Variants in NREP observed in about 807,000 individuals in gnomAD.
NREP encodes the protein neuronal regeneration-related protein.
In NREP, 5 loss-of-function variants were observed where a neutral mutation model predicts 8.6. The observed-to-expected ratio is 0.58, with a 90% confidence interval of 0.30 to 1.22. The LOEUF is 1.22. Ranked by LOEUF, NREP falls within the 50% of genes most tolerant of loss-of-function variation. The pLI is 0.07. For missense variants in NREP, 86 were observed against 82.5 expected (o/e 1.04, Z -0.17); for synonymous variants, 27 against 28.0 (o/e 0.96, Z 0.11).
chr5:111,908,761 G>A (rs1754836743), intron 2 of NREP, among the ~76,000 whole-genome samples: 1 of 151,984 alleles, frequency 6.6e-6, no homozygotes, highest in Non-Finnish European at 1.5e-5. Context: ...CTTTTAGGTA[G>A]AATGATTCAT....
At chr5:111,972,252 T>C (rs2112673613) in intron 2 of NREP, among the ~76,000 whole-genome samples, 1 of 152,252 alleles carries the variant, frequency 6.6e-6, no homozygotes, top group East Asian at 1.9e-4. Context: ...TGGATGAGAA[T>C]GTAGTGTAAA....
intron 2 of NREP, among the ~76,000 whole-genome samples, chr5:111,770,187 C>A (rs1751184394): frequency 6.6e-6 from 1 of 152,150 alleles, no homozygotes; most frequent in African/African-American, 2.4e-5. Flanking sequence ...ATTTTTATAA[C>A]CCCAATGTCT....
At chr5:111,897,720 T>C (rs1474295991) in intron 2 of NREP, among the ~76,000 whole-genome samples, 2 of 152,156 alleles carry the variant, frequency 1.3e-5, no homozygotes, top group Non-Finnish European at 2.9e-5. Context: ...CCTAACTTTG[T>C]TCTCTATTAT....
At chr5:111,934,702 T>G (rs1049671738) in intron 2 of NREP, among the ~76,000 whole-genome samples, 3 of 152,072 alleles carry the variant, frequency 2.0e-5, no homozygotes, top group Non-Finnish European at 4.4e-5. Flanking sequence ...AAGCAATGAG[T>G]TGCTCAATAC....
chr5:111,889,156 G>A (rs1384662995), intron 2 of NREP, among the ~76,000 whole-genome samples: 1 of 152,200 alleles, frequency 6.6e-6, no homozygotes, highest in Non-Finnish European at 1.5e-5. Context: ...TGGTTCTGCA[G>A]GCTGTACAGA....
At chr5:111,877,462 A>G (rs1753937282) in intron 2 of NREP, among the ~76,000 whole-genome samples, 1 of 152,238 alleles carries the variant, frequency 6.6e-6, no homozygotes, top group Non-Finnish European at 1.5e-5. Flanking sequence ...TTCAAAAAAT[A>G]GAGATTTGCT....
intron 2 of NREP, among the ~76,000 whole-genome samples, chr5:111,934,553 G>GAA (rs1170230783): frequency 6.6e-6 from 1 of 152,006 alleles, no homozygotes; most frequent in Non-Finnish European, 1.5e-5. Context: ...GACCAGAAAA[G>GAA]AAAAATAGAC....
chr5:111,859,992 G>A (rs6594551), intron 2 of NREP, among the ~76,000 whole-genome samples: 150,055 of 152,322 alleles, frequency 0.99, 73,950 homozygotes, highest in East Asian at 1. Flanking sequence ...GGGCAGGCAA[G>A]TACTCTGGAG....
chr5:111,914,428 C>G (rs1754994297), intron 2 of NREP, among the ~76,000 whole-genome samples: 1 of 152,048 alleles, frequency 6.6e-6, no homozygotes, highest in Admixed American at 6.6e-5. Flanking sequence ...TGAAGGTGTT[C>G]TTACCTTTCT....
chr5:111,786,779 T>C (rs1238854825), intron 2 of NREP, among the ~76,000 whole-genome samples: 2 of 152,206 alleles, frequency 1.3e-5, no homozygotes, highest in Non-Finnish European at 2.9e-5. Context: ...CTTGGGGAAG[T>C]TAAATGATCA....
intron 2 of NREP, among the ~76,000 whole-genome samples, chr5:111,915,518 A>T (rs945695192): frequency 2.0e-5 from 3 of 151,990 alleles, no homozygotes; most frequent in South Asian, 2.1e-4. Flanking sequence ...ACTCAAAAGC[A>T]CTTAGGTCCT....
chr5:111,875,501 A>G (rs930004988), intron 2 of NREP, among the ~76,000 whole-genome samples: 1 of 152,248 alleles, frequency 6.6e-6, no homozygotes, highest in African/African-American at 2.4e-5. Flanking sequence ...AACAATTTAT[A>G]TAATGGCTCT....
chr5:111,970,617 G>A (rs1009985909), intron 2 of NREP, among the ~76,000 whole-genome samples: 2 of 151,998 alleles, frequency 1.3e-5, no homozygotes, highest in African/African-American at 4.8e-5. Context: ...CTTGAGCTCA[G>A]GAGTTTGAGA....
At chr5:111,835,077 A>C (rs1752861621) in intron 2 of NREP, among the ~76,000 whole-genome samples, 1 of 152,152 alleles carries the variant, frequency 6.6e-6, no homozygotes, top group Non-Finnish European at 1.5e-5. Flanking sequence ...TGCTCTCACC[A>C]CACACATCCA....
intron 2 of NREP, among the ~76,000 whole-genome samples, chr5:111,844,321 C>T (rs1753104895): frequency 6.6e-6 from 1 of 151,822 alleles, no homozygotes. Context: ...CAGTTTGGAC[C>T]ACCTGACTTT....
chr5:111,841,435 T>C (rs1284078176), intron 2 of NREP, among the ~76,000 whole-genome samples: 1 of 152,180 alleles, frequency 6.6e-6, no homozygotes, highest in Admixed American at 6.6e-5. Context: ...TGTTAAGTTA[T>C]ACCTTTAGAA....
intron 2 of NREP, among the ~76,000 whole-genome samples, chr5:111,754,283 T>C (rs181677719): frequency 2.0e-5 from 3 of 152,356 alleles, no homozygotes; most frequent in Non-Finnish European, 4.4e-5. Flanking sequence ...AAGCTCATTC[T>C]ACTTACTACT....
At chr5:111,957,088 G>T (rs1437429020) in intron 2 of NREP, among the ~76,000 whole-genome samples, 1 of 151,770 alleles carries the variant, frequency 6.6e-6, no homozygotes, top group Non-Finnish European at 1.5e-5. Flanking sequence ...AGAGAGGAAA[G>T]AAGAGACTGT....
chr5:111,930,986 G>A (rs1755521300), intron 2 of NREP, among the ~76,000 whole-genome samples: 1 of 152,072 alleles, frequency 6.6e-6, no homozygotes, highest in South Asian at 2.1e-4. Flanking sequence ...TCTATGTGGG[G>A]AACTAGCCTG....
Sources: gnomAD v4.1 joint callset for allele counts (sites outside exome capture counted in the v4.1 genomes callset) on GRCh38, gnomAD v4.1.1 for gene constraint, MANE v1.5 for transcripts, NCBI Gene and HGNC (gene_info 2026-07-23, HGNC 2026-07-21) for gene names.